Variants in ZNF727 observed in about 807,000 individuals in gnomAD.
The protein encoded by ZNF727 is zinc finger protein 727.
Under a neutral mutation model 11.5 loss-of-function variants are expected in ZNF727, and 11 were observed. The observed-to-expected ratio is 0.95, with a 90% CI of 0.60 to 1.58. ZNF727 has a LOEUF of 1.58. Among genes scored for constraint, ZNF727 ranks in the 40% most tolerant of loss-of-function variants. ZNF727 has a pLI of 0.00. For missense variants in ZNF727, 533 were observed against 581.7 expected, an observed-to-expected ratio of 0.92 and a Z score of 0.86; for synonymous variants, 171 against 196.1, an observed-to-expected ratio of 0.87 and a Z score of 1.07.
intron 3 of ZNF727, among the ~76,000 whole-genome samples, chr7:64,070,985 G>A (rs946165780): frequency 2.0e-5 from 3 of 151,746 alleles, no homozygotes; most frequent in African/African-American, 4.8e-5. Flanking sequence ...ATTCTGTTTT[G>A]TATATATACC....
At position 64,081,628 on chromosome 7, in the gene ZNF727, A is replaced by G. The variant is rs2116339611; in HGVS notation, c.*3079A>G. On this transcript the variant is annotated 3_prime_UTR_variant, in exon 4 of 4. Coordinates refer to ENST00000456806, the MANE Select transcript of ZNF727 (RefSeq NM_001159522.3). ...TGCAGATGCTATGGTATGGGCTCCT[A>G]GGGTACCTGAGACTGCCCTGTAAGC... Among the ~76,000 whole-genome samples the G allele has an allele frequency of 1.3e-5, 2 of 152,190 alleles. No individual in the cohort carries two copies. Among genetic ancestry groups the G allele is most frequent in the Middle Eastern group, 6.8e-3 (2 of 294 alleles).
At position 64,083,855 on chromosome 7, in the gene ZNF727, G is replaced by T. The variant is rs1174949791; in HGVS notation, c.*5306G>T. ...AAGTACCTGGATGTTTCAGTTGAAG[G>T]TGCTGTATCTATGCACACCTTGCAT... On this transcript the variant is annotated 3_prime_UTR_variant, in exon 4 of 4. Transcript: ENST00000456806. Among the ~76,000 whole-genome samples the T allele has an allele frequency of 6.6e-6, 1 of 152,108 alleles. No individual in the cohort carries two copies. The highest frequency in any genetic ancestry group is 1.5e-5 in the Non-Finnish European group (1 of 68,016).
chr7:64,069,372 G>T, intron 2 of ZNF727, 142 bp from the exon 3 acceptor site: 1 of 771,196 alleles, frequency 1.3e-6, no homozygotes, highest in Non-Finnish European at 2.1e-6. Context: ...TAAATATTCT[G>T]AAGTTTCTGT....
chr7:64,063,483 C>G (rs543352609), intron 1 of ZNF727, among the ~76,000 whole-genome samples: 1 of 151,736 alleles, frequency 6.6e-6, no homozygotes, highest in Non-Finnish European at 1.5e-5. Flanking sequence ...AATGGAATCT[C>G]TCTCTCTCTG....
chr7:64,053,216 A>G (rs1183780542), intron 1 of ZNF727, among the ~76,000 whole-genome samples: 3 of 151,994 alleles, frequency 2.0e-5, no homozygotes, highest in Non-Finnish European at 4.4e-5. Context: ...TGTAGGAGGG[A>G]CCTGGTGGGA....
At chr7:64,070,423 G>A (rs1789941937) in intron 3 of ZNF727, among the ~76,000 whole-genome samples, 1 of 142,376 alleles carries the variant, frequency 7.0e-6, no homozygotes, top group Non-Finnish European at 1.5e-5. Flanking sequence ...TACTGTGACT[G>A]TGTCATTCAT....
At chr7:64,067,876 C>T (rs1312226636) in intron 1 of ZNF727, among the ~76,000 whole-genome samples, 1 of 147,782 alleles carries the variant, frequency 6.8e-6, no homozygotes, top group Non-Finnish European at 1.5e-5. Flanking sequence ...ACGTGTTCTG[C>T]ACATGTATCC....
chr7:64,067,139 GA>G (rs35184519), intron 1 of ZNF727, among the ~76,000 whole-genome samples: 94,320 of 151,838 alleles, frequency 0.62, 29,996 homozygotes, highest in Non-Finnish European at 0.68. Flanking sequence ...CAACAAACAT[GA>G]AAAAAAACTC....
chr7:64,058,461 A>G (rs894557866), intron 1 of ZNF727, among the ~76,000 whole-genome samples: 2 of 152,126 alleles, frequency 1.3e-5, no homozygotes, highest in South Asian at 2.1e-4. Context: ...TTTTCAGCCA[A>G]ATACAAGGGC....
chr7:64,049,562 A>G (rs1038238198), intron 1 of ZNF727, among the ~76,000 whole-genome samples: 1 of 151,936 alleles, frequency 6.6e-6, no homozygotes, highest in Admixed American at 6.6e-5. Flanking sequence ...GAAGTAAGCA[A>G]TTTTAACTAT....
In ZNF727 at chr7:64,057,032, C is replaced by T. The variant is rs762573106; in HGVS notation, c.3+11408C>T. On this transcript the variant is annotated intron_variant, in intron 1 of 3. Coordinates refer to ENST00000456806, the MANE Select transcript of ZNF727 (RefSeq NM_001159522.3). Reference sequence around the variant, plus strand: ...GTGAGTTCTTTTTTATTTGAAATCTCCTATATCTTTACCATATTATGAGCA... The same window carrying T: ...GTGAGTTCTTTTTTATTTGAAATCTTCTATATCTTTACCATATTATGAGCA... 6.4e-4 allele frequency among the ~76,000 whole-genome samples: 96 copies of T among 151,166 alleles called. 1 individual carries two copies. In the Middle Eastern group the frequency reaches 0.014, roughly 21 times the overall value.
chr7:64,073,354 G>C (rs1472589461), intron 3 of ZNF727, among the ~76,000 whole-genome samples: 1 of 148,850 alleles, frequency 6.7e-6, no homozygotes, highest in Non-Finnish European at 1.5e-5. Context: ...CATGTCTTTA[G>C]TTTTCTGATT....
rs756279984 is a variant in ZNF727 at position 64,078,368 on chromosome 7, C to G, written c.1319C>G (p.Thr440Ser). Residue 440 changes from threonine to serine, a missense_variant, in exon 4 of 4, where the codon ACT becomes AGT. Physicochemically the swap from Thr to Ser is moderately conservative, Grantham distance 58. Coordinates refer to ENST00000456806, the MANE Select transcript of ZNF727 (RefSeq NM_001159522.3). ...ACCTTTAAGTGGTTCCCAGACCTGA[C>G]TAATCATAAGAGAATTCACACTGGA... ...GKTFKWFPDL[T>S]NHKRIHTGEK... 9.5e-6 allele frequency: 15 copies of G among 1,585,278 alleles called. No homozygotes were observed. The highest frequency in any genetic ancestry group is 1.3e-5 in the Non-Finnish European group (15 of 1,165,504).
chr7:64,054,070 C>G (rs745853598), intron 1 of ZNF727, among the ~76,000 whole-genome samples: 10 of 152,166 alleles, frequency 6.6e-5, no homozygotes, highest in Non-Finnish European at 1.2e-4. Context: ...GAGGGAGGCA[C>G]AGATGTACAG....
At chr7:64,049,505 G>A (rs1789558461) in intron 1 of ZNF727, among the ~76,000 whole-genome samples, 2 of 151,820 alleles carry the variant, frequency 1.3e-5, no homozygotes, top group South Asian at 4.2e-4. Context: ...TTATATCTTA[G>A]CCAGAATTTT....
At chr7:64,072,995 A>G (rs1478773239) in intron 3 of ZNF727, among the ~76,000 whole-genome samples, 1 of 152,138 alleles carries the variant, frequency 6.6e-6, no homozygotes, top group East Asian at 1.9e-4. Flanking sequence ...TGAACCACCA[A>G]GTCTGTCTAT....
chr7:64,045,498 G>A lies in ZNF727; in HGVS notation c.-124G>A. The A allele has an allele frequency of 1.5e-6, 2 of 1,339,622 alleles. No homozygotes were observed. The highest frequency in any genetic ancestry group is 2.1e-6 in the Non-Finnish European group (2 of 954,664). The allele number at this position is 1,339,622 out of a possible 1,614,324, so 83.0% of individuals were successfully genotyped here. ...TAGGCTCTGAGTCCAGTACCCGTCT[G>A]TACTATTCCATCTCTTCCGCTCCAT... On this transcript the variant is annotated 5_prime_UTR_variant, in exon 1 of 4. Transcript: ENST00000456806.
At chr7:64,065,938 A>G (rs368792461) in intron 1 of ZNF727, among the ~76,000 whole-genome samples, 2 of 152,192 alleles carry the variant, frequency 1.3e-5, no homozygotes, top group Non-Finnish European at 2.9e-5. Context: ...GTGGATGCCC[A>G]AGATTCCTGT....
chr7:64,049,964 A>G (rs1000680166), intron 1 of ZNF727, among the ~76,000 whole-genome samples: 32 of 151,900 alleles, frequency 2.1e-4, no homozygotes, highest in Admixed American at 1.0e-3. Context: ...CTCATGAAAC[A>G]TTAGACTAAT....
Sources: allele counts gnomAD v4.1 joint callset (sites outside exome capture counted in the v4.1 genomes callset), GRCh38; gene constraint gnomAD v4.1.1; transcripts MANE v1.5; gene names NCBI Gene and HGNC (gene_info 2026-07-23, HGNC 2026-07-21).